The following GRIP1 variants were observed in gnomAD, a reference collection of about 807,000 sequenced individuals.
The protein encoded by GRIP1 is glutamate receptor interacting protein 1.
A neutral mutation model predicts 129.9 loss-of-function variants in GRIP1; 45 were observed. That is an observed-to-expected ratio of 0.35 (90% confidence interval 0.27 to 0.44). The LOEUF is 0.44. Among genes scored for constraint, GRIP1 ranks in the 20% least tolerant of loss-of-function variants. GRIP1 has a pLI of 1.00. For missense variants in GRIP1, 1,196 were observed against 1,396.8 expected (o/e 0.86, Z 2.29); for synonymous variants, 530 against 520.8 (o/e 1.02, Z -0.24).
chr12:66,601,099 A>G (rs1482138030), intron 1 of GRIP1, among the ~76,000 whole-genome samples: 2 of 152,216 alleles, frequency 1.3e-5, no homozygotes, highest in Non-Finnish European at 2.9e-5. Context: ...AGGCACAGAA[A>G]GCATTAGTCA....
intron 13 of GRIP1, among the ~76,000 whole-genome samples, chr12:66,435,066 A>T (rs1389126622): frequency 6.6e-6 from 1 of 152,250 alleles, no homozygotes; most frequent in African/African-American, 2.4e-5. Flanking sequence ...GGGCATGCAG[A>T]AAGCCTCCAC....
intron 13 of GRIP1, among the ~76,000 whole-genome samples, chr12:66,444,048 C>T (rs767604440): frequency 9.2e-5 from 14 of 152,106 alleles, no homozygotes; most frequent in Non-Finnish European, 1.8e-4. Flanking sequence ...ATTTTTATCG[C>T]CTCTATAGTT....
chr12:67,024,372 G>A (rs756961201), intron 1 of GRIP1, among the ~76,000 whole-genome samples: 1 of 152,116 alleles, frequency 6.6e-6, no homozygotes, highest in African/African-American at 2.4e-5. Flanking sequence ...CATAGACACT[G>A]GGGGAAACAC....
intron 1 of GRIP1, among the ~76,000 whole-genome samples, chr12:66,961,631 C>T (rs73315226): frequency 0.013 from 1,914 of 152,042 alleles, 32 homozygotes; most frequent in African/African-American, 0.044. Context: ...AATCAGCTGC[C>T]TTTCTCTTTC....
At chr12:66,388,919 T>C (rs1209582220) in intron 19 of GRIP1, among the ~76,000 whole-genome samples, 1 of 152,188 alleles carries the variant, frequency 6.6e-6, no homozygotes, top group Non-Finnish European at 1.5e-5. Flanking sequence ...GAGCCAGTCA[T>C]TACATACTGG....
intron 2 of GRIP1, among the ~76,000 whole-genome samples, chr12:66,583,202 A>T (rs1168169133): frequency 6.6e-6 from 1 of 150,980 alleles, no homozygotes; most frequent in African/African-American, 2.4e-5. Flanking sequence ...CTGGCTAGCC[A>T]TATGTAGAAA....
chr12:66,773,681 G>A (rs4244069), intron 1 of GRIP1, among the ~76,000 whole-genome samples: 128,869 of 152,098 alleles, frequency 0.85, 55,064 homozygotes, highest in Middle Eastern at 0.95. Flanking sequence ...CATTCTGCAC[G>A]TGTATCCCAG....
intron 16 of GRIP1, among the ~76,000 whole-genome samples, chr12:66,400,036 G>A (rs1202151286): frequency 2.6e-5 from 4 of 151,952 alleles, no homozygotes; most frequent in Non-Finnish European, 4.4e-5. Flanking sequence ...TTGTGTAAGT[G>A]ATAATTTTAA....
chr12:66,423,625 G>A (rs777065178), intron 14 of GRIP1, among the ~76,000 whole-genome samples: 72 of 152,280 alleles, frequency 4.7e-4, no homozygotes, highest in South Asian at 8.3e-4. Flanking sequence ...TGAGACAAGC[G>A]CCTCTGCTCT....
chr12:66,537,519 C>CTCATAT (rs146090222), intron 4 of GRIP1, among the ~76,000 whole-genome samples: 2,412 of 149,364 alleles, frequency 0.016, 58 homozygotes, highest in African/African-American at 0.055. Context: ...ATGGATATAT[C>CTCATAT]ATATATATAT....
intron 1 of GRIP1, among the ~76,000 whole-genome samples, chr12:66,803,404 C>T (rs1259063042): frequency 6.6e-6 from 1 of 152,212 alleles, no homozygotes; most frequent in Middle Eastern, 3.4e-3. Context: ...AAACTTAAAG[C>T]GCTGACAGAT....
intron 1 of GRIP1, among the ~76,000 whole-genome samples, chr12:66,705,951 C>T (rs936129805): frequency 2.0e-5 from 3 of 151,470 alleles, no homozygotes; most frequent in Admixed American, 1.3e-4. Flanking sequence ...CCATGAAAAC[C>T]CTAGAAGAAA....
intron 2 of GRIP1, among the ~76,000 whole-genome samples, chr12:66,572,490 C>A (rs1330597748): frequency 6.6e-6 from 1 of 152,162 alleles, no homozygotes; most frequent in African/African-American, 2.4e-5. Flanking sequence ...CAGAGAAAAT[C>A]ATATGGGGTG....
chr12:66,356,661 TTCTTCGGGGGAG>T (rs2054503263), intron 23 of GRIP1, among the ~76,000 whole-genome samples: 1 of 151,960 alleles, frequency 6.6e-6, no homozygotes, highest in African/African-American at 2.4e-5. Context: ...TATCCTTCTC[TTCTTCGGGGGAG>T]TGTTTTCAAG....
intron 1 of GRIP1, among the ~76,000 whole-genome samples, chr12:67,005,408 A>G (rs1004195025): frequency 6.6e-6 from 1 of 152,210 alleles, no homozygotes; most frequent in African/African-American, 2.4e-5. Flanking sequence ...CTACAATGAT[A>G]ATATCATCTG....
chr12:66,869,907 G>A (rs1312064164), intron 1 of GRIP1, among the ~76,000 whole-genome samples: 1 of 152,104 alleles, frequency 6.6e-6, no homozygotes, highest in African/African-American at 2.4e-5. Flanking sequence ...AAGACAAGAT[G>A]CAGAGAGACA....
At position 66,529,900 on chromosome 12, in the gene GRIP1, T is replaced by C. The variant is rs2061387059; in HGVS notation, c.433A>G (p.Ser145Gly). Residue 145 changes from serine (S) to glycine (G), a missense_variant, in exon 5 of 25, where the codon AGT becomes GGT. This residue lies in a region of GRIP1 where 217 missense variants were observed against 224.8 expected (regional missense o/e 0.97). Coordinates refer to ENST00000359742, the MANE Select transcript of GRIP1 (RefSeq NM_001366722.1). ...ACCTCCACTGTTCGGAAAATAACAC[T>C]TGATCCTTGCACAGCTGAATAAAGG... is the stretch of plus-strand genomic sequence containing the variant. ...ELPPVSVQGSSVIFRTVEVTL... is the reference protein window; with the variant it reads ...ELPPVSVQGSGVIFRTVEVTL... The C allele has an allele frequency of 1.3e-6, 2 of 1,590,828 alleles. No individual in the cohort carries two copies. Among genetic ancestry groups the C allele is most frequent in the South Asian group, 2.2e-5 (2 of 90,650 alleles).
chr12:66,568,816 A>G (rs1333425735), intron 2 of GRIP1: 1 of 348,860 alleles, frequency 2.9e-6, no homozygotes, highest in Non-Finnish European at 5.6e-6. Flanking sequence ...GTTGGAGTCT[A>G]ATGATGTCCC....
At chr12:66,547,882 T>C (rs1208803729) in intron 2 of GRIP1, among the ~76,000 whole-genome samples, 2 of 152,216 alleles carry the variant, frequency 1.3e-5, no homozygotes, top group Admixed American at 6.5e-5. Context: ...ATATTACATA[T>C]AGTTCTGTAG....
Sources: gnomAD v4.1 joint callset for allele counts (sites outside exome capture counted in the v4.1 genomes callset) on GRCh38, gnomAD v4.1.1 for gene constraint, gnomAD v4.1.1 regional missense constraint, MANE v1.5 for transcripts, NCBI Gene and HGNC (gene_info 2026-07-23, HGNC 2026-07-21) for gene names.